The following SYNPR variants were observed in gnomAD, a reference collection of about 807,000 sequenced individuals.
SYNPR encodes the protein synaptoporin.
A neutral mutation model predicts 32.9 loss-of-function variants in SYNPR; 23 were observed. The ratio of observed to expected loss-of-function variants is 0.70; its 90% CI spans 0.50 to 0.99. The LOEUF (loss-of-function observed/expected upper bound fraction) is 0.99, where lower values mean the gene tolerates loss of function less well. Ranked by LOEUF, SYNPR falls within the 50% of genes least tolerant of loss-of-function variation. The probability of loss-of-function intolerance (pLI) is 0.00; values close to 1 mark genes in which losing one functional copy is unlikely to be tolerated. For missense variants in SYNPR, 318 were observed against 349.3 expected (o/e 0.91, Z 0.71); for synonymous variants, 146 against 135.9 (o/e 1.07, Z -0.52).
intron 2 of SYNPR, among the ~76,000 whole-genome samples, chr3:63,349,648 A>G (rs1302172382): frequency 6.6e-5 from 10 of 152,110 alleles, no homozygotes; most frequent in Non-Finnish European, 1.5e-4. Context: ...GATTTTGTGT[A>G]TGTTGATTTT....
chr3:63,571,104 G>A (rs796247365), intron 4 of SYNPR, among the ~76,000 whole-genome samples: 10 of 152,204 alleles, frequency 6.6e-5, no homozygotes, highest in South Asian at 4.1e-4. Flanking sequence ...TCAAGACCAC[G>A]CCTCATCTCA....
At chr3:63,357,248 G>C (rs1006167127) in intron 2 of SYNPR, among the ~76,000 whole-genome samples, 1 of 152,120 alleles carries the variant, frequency 6.6e-6, no homozygotes, top group Non-Finnish European at 1.5e-5. Context: ...CCCTGCTTGA[G>C]ACCAGAGACC....
intron 4 of SYNPR, among the ~76,000 whole-genome samples, chr3:63,562,749 T>C (rs1702712786): frequency 6.6e-6 from 1 of 152,216 alleles, no homozygotes; most frequent in Non-Finnish European, 1.5e-5. Flanking sequence ...ACCTTGCTTG[T>C]ATCAGAGAAG....
intron 5 of SYNPR, 74 bp from the exon 6 acceptor site, chr3:63,615,150 G>A (rs1559552241): frequency 7.2e-6 from 11 of 1,521,114 alleles, no homozygotes; most frequent in Non-Finnish European, 8.0e-6. Context: ...TATTGTGAAG[G>A]ATTTTTCCAA....
intron 2 of SYNPR, among the ~76,000 whole-genome samples, chr3:63,359,712 A>G (rs1175858315): frequency 6.6e-6 from 1 of 152,196 alleles, no homozygotes; most frequent in Non-Finnish European, 1.5e-5. Context: ...TCTTACAAAC[A>G]GATCTGGCCT....
chr3:63,481,084 C>T (rs1465143953), intron 3 of SYNPR, 128 bp downstream of exon 3: 9 of 1,293,252 alleles, frequency 7.0e-6, no homozygotes, highest in South Asian at 3.3e-5. Context: ...CCTGCACCCA[C>T]GGAATGCCCA....
chr3:63,558,110 C>T (rs1240411043), intron 4 of SYNPR, among the ~76,000 whole-genome samples: 1 of 152,156 alleles, frequency 6.6e-6, no homozygotes, highest in Non-Finnish European at 1.5e-5. Context: ...TTCCCACATA[C>T]CCAGTTCCTC....
chr3:63,224,863 T>C (rs1345043303), upstream of SYNPR, among the ~76,000 whole-genome samples: 1 of 152,174 alleles, frequency 6.6e-6, no homozygotes, highest in Non-Finnish European at 1.5e-5. Context: ...CAAGAGGTCA[T>C]CAAGGTAGAT....
At position 63,382,019 on chromosome 3, in the gene SYNPR, T is replaced by A. The variant is rs185759785; in HGVS notation, c.85-98813T>A. The stretch of plus-strand genomic sequence containing the variant: ...CTGCTTTTCTTTTATATCCCCAGTT[T>A]ATAATTTTTTTAAACATTTCTTTTA... On this transcript the variant is annotated intron_variant, in intron 2 of 5. Transcript: ENST00000478300. Among the ~76,000 whole-genome samples, 524 of 152,336 alleles carry A rather than the reference T, an allele frequency of 3.4e-3. 2 individuals carry two copies. The highest frequency in any genetic ancestry group is 5.2e-3 in the Non-Finnish European group (355 of 68,032).
the SYNPR span, among the ~76,000 whole-genome samples, chr3:63,202,199 T>G: frequency 6.6e-6 from 1 of 152,208 alleles, no homozygotes; most frequent in Non-Finnish European, 1.5e-5. Context: ...AAAATGAGCA[T>G]TTTAAACCAA....
At chr3:63,471,506 G>A (rs776639016) in intron 2 of SYNPR, among the ~76,000 whole-genome samples, 4 of 152,154 alleles carry the variant, frequency 2.6e-5, no homozygotes, top group Non-Finnish European at 5.9e-5. Flanking sequence ...TTATCAGTAG[G>A]AGAAGAAAAA....
intron 3 of SYNPR, among the ~76,000 whole-genome samples, chr3:63,504,748 G>A (rs1701551425): frequency 6.6e-6 from 1 of 152,078 alleles, no homozygotes; most frequent in South Asian, 2.1e-4. Context: ...GACTTCTGTG[G>A]CCATTCTGAA....
chr3:63,494,963 A>G (rs895877772), intron 3 of SYNPR, among the ~76,000 whole-genome samples: 19 of 152,242 alleles, frequency 1.2e-4, no homozygotes, highest in African/African-American at 4.6e-4. Flanking sequence ...AATTTAGCAA[A>G]TGGTTCTCAG....
intron 4 of SYNPR, among the ~76,000 whole-genome samples, chr3:63,572,641 A>G (rs778089653): frequency 3.3e-5 from 5 of 152,186 alleles, no homozygotes; most frequent in Non-Finnish European, 7.3e-5. Flanking sequence ...GTGGAAAATA[A>G]TAACTCTTTT....
intron 2 of SYNPR, among the ~76,000 whole-genome samples, chr3:63,366,854 A>T (rs1353272125): frequency 6.6e-6 from 1 of 152,218 alleles, no homozygotes; most frequent in African/African-American, 2.4e-5. Context: ...CCAAGGTCAC[A>T]CAGTTAGTGT....
intron 2 of SYNPR, among the ~76,000 whole-genome samples, chr3:63,472,894 G>C (rs1018950668): frequency 1.3e-5 from 2 of 152,246 alleles, no homozygotes; most frequent in East Asian, 3.9e-4. Context: ...ACCACAGGCT[G>C]TCTGTTATAA....
intron 2 of SYNPR, among the ~76,000 whole-genome samples, chr3:63,389,610 T>A (rs1251947053): frequency 1.3e-5 from 2 of 152,202 alleles, no homozygotes; most frequent in East Asian, 3.9e-4. Context: ...GTGCCCACCC[T>A]GAAGCTGAGA....
At position 63,422,145 on chromosome 3, in the gene SYNPR, C is replaced by A. The variant is rs534705565; in HGVS notation, c.85-58687C>A. Among the ~76,000 whole-genome samples, 101 of 152,160 alleles carry A rather than the reference C, an allele frequency of 6.6e-4. 3 individuals are homozygous for A. Among genetic ancestry groups the A allele is most frequent in the South Asian group, 8.3e-4 (4 of 4,826 alleles). On this transcript the variant is annotated intron_variant, in intron 2 of 5. Coordinates refer to ENST00000478300, the MANE Select transcript of SYNPR (RefSeq NM_001130003.2). ...AGGAAATTACACAGGGTTTGTACACCAAGGGGTGGGAAACTTGAGGCCATC... is the reference window on the plus strand; with the variant it reads ...AGGAAATTACACAGGGTTTGTACACAAAGGGGTGGGAAACTTGAGGCCATC...
At chr3:63,471,825 C>T (rs377081997) in intron 2 of SYNPR, among the ~76,000 whole-genome samples, 2 of 152,286 alleles carry the variant, frequency 1.3e-5, no homozygotes, top group Admixed American at 6.5e-5. Context: ...GAGGGGGAGG[C>T]TCTGGGCCTC....
Sources: gnomAD v4.1 joint callset for allele counts (sites outside exome capture counted in the v4.1 genomes callset) on GRCh38, gnomAD v4.1.1 for gene constraint, MANE v1.5 for transcripts, NCBI Gene and HGNC (gene_info 2026-07-23, HGNC 2026-07-21) for gene names.